Variants in NRG3 observed in about 807,000 individuals in gnomAD.
NRG3 encodes the protein neuregulin 3.
A neutral mutation model predicts 66.9 loss-of-function variants in NRG3; 31 were observed. That is an observed-to-expected ratio of 0.46 (90% CI 0.35 to 0.63). The LOEUF is 0.63. NRG3 is among the 20% of genes least tolerant of loss of function. The pLI is 0.00. For synonymous variants in NRG3, 393 were observed against 359.4 expected, an observed-to-expected ratio of 1.09 and a Z score of -1.06; for missense variants, 910 against 878.9, an observed-to-expected ratio of 1.04 and a Z score of -0.45.
intron 1 of NRG3, among the ~76,000 whole-genome samples, chr10:81,981,158 A>G (rs2060319417): frequency 6.6e-6 from 1 of 152,188 alleles, no homozygotes; most frequent in Non-Finnish European, 1.5e-5. Flanking sequence ...TCTAACTTCC[A>G]AAACTCATGT....
chr10:82,496,554 G>A (rs1483182566), intron 2 of NRG3, among the ~76,000 whole-genome samples: 1 of 151,882 alleles, frequency 6.6e-6, no homozygotes, highest in African/African-American at 2.4e-5. Context: ...GTCTTTATAA[G>A]TATTTATTTA....
chr10:82,580,193 GA>G (rs1476583933), intron 2 of NRG3, among the ~76,000 whole-genome samples: 7 of 151,846 alleles, frequency 4.6e-5, no homozygotes, highest in Non-Finnish European at 1.0e-4. Flanking sequence ...AAAATCTGTA[GA>G]TATGAAAGCC....
intron 3 of NRG3, among the ~76,000 whole-genome samples, chr10:82,848,710 A>C (rs2063424606): frequency 6.6e-6 from 1 of 152,124 alleles, no homozygotes; most frequent in Non-Finnish European, 1.5e-5. Context: ...TAGTTCCCAT[A>C]ATCCCCACAT....
intron 6 of NRG3, among the ~76,000 whole-genome samples, chr10:82,969,981 C>T (rs191649562): frequency 2.0e-5 from 3 of 152,190 alleles, no homozygotes; most frequent in East Asian, 3.9e-4. Context: ...TATATGCATA[C>T]GCTTTTGCGC....
chr10:82,778,712 C>A (rs896551885), intron 3 of NRG3, among the ~76,000 whole-genome samples: 1 of 152,024 alleles, frequency 6.6e-6, no homozygotes, highest in African/African-American at 2.4e-5. Flanking sequence ...CTTGGCTGGG[C>A]AGGAGTGTCT....
intron 1 of NRG3, among the ~76,000 whole-genome samples, chr10:82,226,215 T>C (rs889617563): frequency 6.6e-6 from 1 of 152,156 alleles, no homozygotes; most frequent in Non-Finnish European, 1.5e-5. Context: ...GATTTGTCTG[T>C]GGCTCCTCTT....
chr10:82,707,143 G>T (rs1273486145), intron 2 of NRG3, among the ~76,000 whole-genome samples: 4 of 150,978 alleles, frequency 2.6e-5, no homozygotes, highest in South Asian at 4.2e-4. Flanking sequence ...TAACTTGAGG[G>T]TCTTTTTATA....
chr10:82,463,541 G>A (rs2091619170), intron 2 of NRG3, among the ~76,000 whole-genome samples: 1 of 152,296 alleles, frequency 6.6e-6, no homozygotes, highest in East Asian at 1.9e-4. Flanking sequence ...TGTTAGTATT[G>A]TTAATTAACA....
At chr10:82,411,603 C>T (rs1236267491) in intron 2 of NRG3, among the ~76,000 whole-genome samples, 5 of 152,154 alleles carry the variant, frequency 3.3e-5, no homozygotes, top group Admixed American at 2.6e-4. Flanking sequence ...GGACTCTGAA[C>T]ACTCATCAGA....
At chr10:82,977,948 T>C (rs1564688154) in intron 7 of NRG3, among the ~76,000 whole-genome samples, 1 of 152,206 alleles carries the variant, frequency 6.6e-6, no homozygotes. Flanking sequence ...TATTGAAATT[T>C]TGAGAATGTT....
At chr10:82,594,932 T>C (rs1163423719) in intron 2 of NRG3, among the ~76,000 whole-genome samples, 2 of 152,188 alleles carry the variant, frequency 1.3e-5, no homozygotes, top group Non-Finnish European at 2.9e-5. Flanking sequence ...AGAAGAATGA[T>C]TGTATGAAAT....
chr10:82,449,473 G>A lies in NRG3; in HGVS notation c.953+90605G>A, dbSNP rs559293515. ...CATCTTTGCATTTGCCTTAGCTTGC[G>A]GCTGGTCTGGCTTCTGAGATTGCTG... On this transcript the variant is annotated intron_variant, in intron 2 of 8. Coordinates refer to ENST00000372141, the MANE Select transcript of NRG3 (RefSeq NM_001010848.4). 5.3e-5 allele frequency among the ~76,000 whole-genome samples: 8 copies of A among 152,260 alleles called. No homozygotes were observed. The South Asian group carries it at 8.3e-4, about 16-fold the overall frequency.
intron 3 of NRG3, among the ~76,000 whole-genome samples, chr10:82,764,682 TA>T (rs34955542): frequency 2.1e-4 from 32 of 151,998 alleles, no homozygotes; most frequent in Non-Finnish European, 4.3e-4. Context: ...AGCCAGCAAA[TA>T]AAAAATTTTT....
chr10:82,565,711 C>G (rs563872253), intron 2 of NRG3, among the ~76,000 whole-genome samples: 4 of 152,162 alleles, frequency 2.6e-5, no homozygotes, highest in Admixed American at 1.3e-4. Flanking sequence ...ATTGACATGA[C>G]TTTCTTCAGA....
At chr10:82,505,176 T>C (rs1316118401) in intron 2 of NRG3, among the ~76,000 whole-genome samples, 1 of 152,124 alleles carries the variant, frequency 6.6e-6, no homozygotes, top group Admixed American at 6.5e-5. Context: ...AGTAGGGAAA[T>C]GCAAAGTATT....
chr10:82,464,745 A>G (rs764190681), intron 2 of NRG3, among the ~76,000 whole-genome samples: 1 of 152,238 alleles, frequency 6.6e-6, no homozygotes, highest in Admixed American at 6.5e-5. Flanking sequence ...TAGGAGCTGC[A>G]TCAATCAATT....
intron 1 of NRG3, among the ~76,000 whole-genome samples, chr10:81,897,493 A>T (rs540878832): frequency 1.4e-4 from 21 of 152,114 alleles, no homozygotes; most frequent in South Asian, 1.2e-3. Flanking sequence ...ATTGAAGGAA[A>T]AACAGGAATG....
chr10:82,981,398 G>A (rs1852880992), intron 8 of NRG3, among the ~76,000 whole-genome samples: 1 of 152,198 alleles, frequency 6.6e-6, no homozygotes, highest in Non-Finnish European at 1.5e-5. Context: ...ATCTCAGGGA[G>A]CAATCTCATT....
At chr10:82,244,683 G>C (rs972913280) in intron 1 of NRG3, among the ~76,000 whole-genome samples, 4 of 151,838 alleles carry the variant, frequency 2.6e-5, no homozygotes, top group African/African-American at 9.7e-5. Context: ...AGGCCAGGGG[G>C]TACTGAGAGC....
Sources: allele counts gnomAD v4.1 joint callset (sites outside exome capture counted in the v4.1 genomes callset), GRCh38; gene constraint gnomAD v4.1.1; transcripts MANE v1.5; gene names NCBI Gene and HGNC (gene_info 2026-07-23, HGNC 2026-07-21).